The following CDH8 variants were observed in gnomAD, a reference collection of about 807,000 sequenced individuals.
CDH8 encodes the protein cadherin 8, also known as cadherin-8.
A neutral mutation model predicts 68.1 loss-of-function variants in CDH8; 17 were observed. That is an observed-to-expected ratio of 0.25 (90% CI 0.17 to 0.37). The LOEUF is 0.37. CDH8 is among the 10% of genes least tolerant of loss of function. The pLI, the probability that CDH8 is intolerant of heterozygous loss-of-function variation, is 1.00. For missense variants in CDH8, 763 were observed against 999.3 expected, an observed-to-expected ratio of 0.76 and a Z score of 3.19; for synonymous variants, 372 against 365.1, an observed-to-expected ratio of 1.02 and a Z score of -0.21.
intron 10 of CDH8, among the ~76,000 whole-genome samples, chr16:61,670,109 G>T (rs1379167205): frequency 6.6e-6 from 1 of 151,818 alleles, no homozygotes; most frequent in Non-Finnish European, 1.5e-5. Context: ...TATATTTCGT[G>T]TACTATCTTT....
chr16:61,790,682 T>C (rs2142994538), intron 7 of CDH8, among the ~76,000 whole-genome samples: 1 of 152,086 alleles, frequency 6.6e-6, no homozygotes, highest in Non-Finnish European at 1.5e-5. Context: ...ACTATGCCAT[T>C]ATAAAAAAAT....
intron 2 of CDH8, among the ~76,000 whole-genome samples, chr16:61,975,717 A>G (rs1008609207): frequency 3.9e-5 from 6 of 152,208 alleles, no homozygotes; most frequent in Admixed American, 2.6e-4. Flanking sequence ...ACAATAGTAG[A>G]AAAGATAGAT....
chr16:61,801,615 T>C (rs1961637529), intron 7 of CDH8, among the ~76,000 whole-genome samples: 1 of 152,136 alleles, frequency 6.6e-6, no homozygotes, highest in East Asian at 1.9e-4. Flanking sequence ...GCGTGCACCA[T>C]GCGCGAGCCA....
chr16:61,907,999 C>T (rs901404150), intron 2 of CDH8, among the ~76,000 whole-genome samples: 4 of 143,938 alleles, frequency 2.8e-5, no homozygotes, highest in Non-Finnish European at 4.5e-5. Context: ...GCCAATATTG[C>T]GCCACTGCAC....
chr16:61,936,463 T>C (rs545872510), intron 2 of CDH8, among the ~76,000 whole-genome samples: 1 of 152,310 alleles, frequency 6.6e-6, no homozygotes, highest in East Asian at 1.9e-4. Flanking sequence ...AATCATTAGT[T>C]TTCTAACAAG....
At chr16:61,914,883 G>C (rs528648959) in intron 2 of CDH8, among the ~76,000 whole-genome samples, 1 of 152,088 alleles carries the variant, frequency 6.6e-6, no homozygotes, top group African/African-American at 2.4e-5. Context: ...TCTTGGTCCC[G>C]TGAGACCTGT....
rs200360354 is a variant in CDH8 at position 61,960,163 on chromosome 16, A to G, written c.253-58690T>C. Among the ~76,000 whole-genome samples the G allele has an allele frequency of 3.5e-3, 356 of 100,816 alleles. 14 individuals are homozygous for G. The highest frequency in any genetic ancestry group is 4.3e-3 in the Non-Finnish European group (226 of 52,878). The allele number at this position is 100,816 out of a possible 152,430, so 66.1% of individuals were successfully genotyped here. ...TACATATATACATATGTGTGTGTGT[A>G]TACACATACATATATACATATGTGT... On this transcript the variant is annotated intron_variant, in intron 2 of 11. Coordinates refer to ENST00000577390, the MANE Select transcript of CDH8 (RefSeq NM_001796.5).
At chr16:61,779,234 A>G (rs935521665) in intron 8 of CDH8, among the ~76,000 whole-genome samples, 2 of 152,274 alleles carry the variant, frequency 1.3e-5, no homozygotes, top group Non-Finnish European at 2.9e-5. Flanking sequence ...TAAAATGAGC[A>G]TTCAGTGCAT....
At chr16:61,655,383 T>G (rs1346962761) in intron 11 of CDH8, 87 bp downstream of exon 11, 54 of 1,343,366 alleles carry the variant, frequency 4.0e-5, no homozygotes, top group Admixed American at 1.1e-4. Flanking sequence ...TGCTCTTGCC[T>G]GTGTAGATCA....
chr16:61,808,469 T>C (rs995006541), intron 7 of CDH8, among the ~76,000 whole-genome samples: 1 of 152,150 alleles, frequency 6.6e-6, no homozygotes, highest in South Asian at 2.1e-4. Context: ...GTTATGAAAA[T>C]TTCCTCAAAA....
At chr16:61,663,910 AAG>A (rs980746340) in intron 10 of CDH8, among the ~76,000 whole-genome samples, 2 of 151,986 alleles carry the variant, frequency 1.3e-5, no homozygotes, top group East Asian at 1.9e-4. Context: ...GGAAACAAGG[AAG>A]AGAGAGAGTA....
In CDH8 at chr16:61,817,998, G is replaced by T. The variant is rs1008048300; in HGVS notation, c.1024-266C>A. 9 of 321,012 alleles carry T rather than the reference G, an allele frequency of 2.8e-5. No homozygotes were observed. The East Asian group carries it at 3.2e-4, about 12-fold the overall frequency. 19.9% of individuals were successfully genotyped at this position (321,012 alleles called of 1,614,324 possible). Reference sequence around the variant, plus strand: ...GAATTCACAAAATATTCACAGTCATGAATTGTGCCATCAAAATTTCACTTC... The same window carrying T: ...GAATTCACAAAATATTCACAGTCATTAATTGTGCCATCAAAATTTCACTTC... On this transcript the variant is annotated intron_variant, in intron 6 of 11. Coordinates refer to ENST00000577390, the MANE Select transcript of CDH8 (RefSeq NM_001796.5).
At chr16:61,827,419 T>G (rs763759530) in intron 4 of CDH8, among the ~76,000 whole-genome samples, 15 of 151,874 alleles carry the variant, frequency 9.9e-5, no homozygotes, top group Non-Finnish European at 1.8e-4. Context: ...ATGAGACTTC[T>G]CAGGTTACTT....
rs1467267983 is a variant in CDH8 at position 61,713,913 on chromosome 16, C to T, written c.1582G>A (p.Gly528Arg). ...SAMDKDDPKN[G>R]HYFLYSLLPE... The stretch of plus-strand genomic sequence containing the variant: ...AGGAGACTGTATAAGAAATAATGTC[C>T]GTTTTTGGGATCATCTTTGTCCATG... Residue 528 changes from glycine (G) to arginine (R), a missense_variant, in exon 10 of 12, where the codon GGA (glycine) becomes AGA (arginine). Gly to Arg is a moderately radical substitution (Grantham distance 125). Transcript: ENST00000577390. The T allele has an allele frequency of 1.9e-6, 3 of 1,609,438 alleles. No individual in the cohort carries two copies. Among genetic ancestry groups the T allele is most frequent in the Non-Finnish European group, 2.5e-6 (3 of 1,176,622 alleles).
At position 61,721,969 on chromosome 16, in the gene CDH8, CA is replaced by C. The variant is rs538025334; in HGVS notation, c.1536+5124del. 5.1e-4 allele frequency among the ~76,000 whole-genome samples: 77 copies of C among 150,816 alleles called. No homozygotes were observed. In the East Asian group the frequency reaches 0.013, roughly 26 times the overall value. On this transcript the variant is annotated intron_variant, in intron 9 of 11. Transcript: ENST00000577390. ...TACATTTTTCACTTATGTAAGCAATCAGATTTCTCAATTACTTCCATCTCCA... is the reference window on the plus strand; with the variant it reads ...TACATTTTTCACTTATGTAAGCAATCGATTTCTCAATTACTTCCATCTCCA...
intron 8 of CDH8, among the ~76,000 whole-genome samples, chr16:61,759,489 G>T (rs62050514): frequency 3.3e-5 from 5 of 152,022 alleles, no homozygotes; most frequent in African/African-American, 1.2e-4. Flanking sequence ...AGAACCAAGA[G>T]CCATGTGTCT....
chr16:61,726,025 C>T (rs1385258767), intron 9 of CDH8: 3 of 150,294 alleles, frequency 2.0e-5, no homozygotes, highest in African/African-American at 2.4e-5. Context: ...ACAAATTGAT[C>T]ATTTATAATA....
intron 2 of CDH8, among the ~76,000 whole-genome samples, chr16:61,921,104 TG>T (rs1964358174): frequency 1.1e-5 from 1 of 88,282 alleles, no homozygotes; most frequent in Non-Finnish European, 2.1e-5. Context: ...GGGACTGTTG[TG>T]GGGTGGGGGG....
chr16:61,863,235 T>C (rs569106204), intron 3 of CDH8, among the ~76,000 whole-genome samples: 2 of 152,260 alleles, frequency 1.3e-5, no homozygotes, highest in African/African-American at 4.8e-5. Context: ...GCTGCTCGGA[T>C]TTTAATTAAC....
Sources: allele counts gnomAD v4.1 joint callset (sites outside exome capture counted in the v4.1 genomes callset), GRCh38; gene constraint gnomAD v4.1.1; transcripts MANE v1.5; gene names NCBI Gene and HGNC (gene_info 2026-07-23, HGNC 2026-07-21).